Variants in OPCML observed in about 807,000 individuals in gnomAD.
The protein encoded by OPCML is opioid-binding protein/cell adhesion molecule.
OPCML carries 13 observed loss-of-function variants against 37.8 expected under a neutral mutation model. The ratio of observed to expected loss-of-function variants is 0.34; its 90% CI spans 0.22 to 0.55. The LOEUF (loss-of-function observed/expected upper bound fraction) is 0.55. Among genes scored for constraint, OPCML ranks in the 20% least tolerant of loss-of-function variants. The pLI is 0.91. For synonymous variants in OPCML, 176 were observed against 168.8 expected (o/e 1.04, Z -0.33); for missense variants, 341 against 435.6 (o/e 0.78, Z 1.93).
intron 1 of OPCML, among the ~76,000 whole-genome samples, chr11:133,166,696 TCTC>T (rs1308443387): frequency 6.6e-6 from 1 of 152,138 alleles, no homozygotes; most frequent in African/African-American, 2.4e-5. Context: ...CAGACCTCCT[TCTC>T]CCTCCACAGG....
At chr11:132,986,560 T>C (rs963497823) in intron 1 of OPCML, among the ~76,000 whole-genome samples, 1 of 152,168 alleles carries the variant, frequency 6.6e-6, no homozygotes, top group African/African-American at 2.4e-5. Flanking sequence ...TGGACCATAA[T>C]AGGTGACCTA....
chr11:133,005,588 G>A, intron 1 of OPCML: 1 of 984,878 alleles, frequency 1.0e-6, no homozygotes, highest in Non-Finnish European at 1.2e-6. Flanking sequence ...CTTTCCTTAG[G>A]GACTACAGAT....
chr11:132,746,455 C>A (rs1945639454), intron 2 of OPCML, among the ~76,000 whole-genome samples: 1 of 152,110 alleles, frequency 6.6e-6, no homozygotes, highest in Non-Finnish European at 1.5e-5. Flanking sequence ...ACCCACTCCT[C>A]CCCCCACCTC....
chr11:133,507,792 CAA>C (rs1182171266), intron 1 of OPCML, among the ~76,000 whole-genome samples: 3 of 151,936 alleles, frequency 2.0e-5, no homozygotes, highest in African/African-American at 7.3e-5. Flanking sequence ...TACAAAATTA[CAA>C]AAGTTAGCCA....
In OPCML at chr11:132,864,477, A is replaced by G. The variant is rs1318466256; in HGVS notation, c.146+78449T>C. On this transcript the variant is annotated intron_variant, in intron 2 of 7. Coordinates refer to ENST00000524381, the MANE Select transcript of OPCML (RefSeq NM_001012393.5). ...TTCCTCATTTATAAAATAAAAGTAG[A>G]ACTATCTATGTCTCCACCTCACAGG... is the stretch of plus-strand genomic sequence containing the variant. 3.3e-5 allele frequency among the ~76,000 whole-genome samples: 5 copies of G among 152,202 alleles called. No homozygotes were observed. The East Asian group carries it at 9.7e-4, about 29-fold the overall frequency.
chr11:133,113,833 C>T (rs764999227), intron 1 of OPCML, among the ~76,000 whole-genome samples: 1 of 152,234 alleles, frequency 6.6e-6, no homozygotes, highest in Non-Finnish European at 1.5e-5. Flanking sequence ...GTTCTGACCT[C>T]TGTGCTTCAG....
At chr11:132,524,413 T>C (rs932865587) in intron 4 of OPCML, among the ~76,000 whole-genome samples, 7 of 152,148 alleles carry the variant, frequency 4.6e-5, no homozygotes, top group African/African-American at 1.7e-4. Flanking sequence ...CAGATTTCCA[T>C]ATGTGTGAAG....
chr11:133,275,753 G>A (rs1370008448), intron 1 of OPCML, among the ~76,000 whole-genome samples: 2 of 152,134 alleles, frequency 1.3e-5, no homozygotes, highest in Non-Finnish European at 2.9e-5. Context: ...AAAGGCGCCT[G>A]GCACATGGAT....
At chr11:132,830,252 C>T (rs1462461731) in intron 2 of OPCML, among the ~76,000 whole-genome samples, 1 of 152,168 alleles carries the variant, frequency 6.6e-6, no homozygotes, top group Non-Finnish European at 1.5e-5. Context: ...CTATAGAGAT[C>T]AAAGTTAAAC....
chr11:133,218,416 T>C (rs1458817191), intron 1 of OPCML, among the ~76,000 whole-genome samples: 1 of 152,214 alleles, frequency 6.6e-6, no homozygotes, highest in Non-Finnish European at 1.5e-5. Flanking sequence ...GGAAGACTTC[T>C]TTGGTTCGCT....
At chr11:132,576,765 C>A (rs2096451948) in intron 3 of OPCML, among the ~76,000 whole-genome samples, 1 of 152,068 alleles carries the variant, frequency 6.6e-6, no homozygotes, top group African/African-American at 2.4e-5. Flanking sequence ...GAGACGACTC[C>A]TACCAATCAG....
intron 2 of OPCML, among the ~76,000 whole-genome samples, chr11:132,831,667 C>T (rs1004087664): frequency 6.6e-6 from 1 of 151,826 alleles, no homozygotes; most frequent in African/African-American, 2.4e-5. Context: ...TTCACTTGAC[C>T]CTCTCTCCTG....
chr11:132,969,851 C>A (rs1173518714), intron 1 of OPCML, among the ~76,000 whole-genome samples: 1 of 152,040 alleles, frequency 6.6e-6, no homozygotes. Context: ...GCATTATTCC[C>A]TTTAGTTTTT....
chr11:132,490,914 C>A (rs1209969909), intron 4 of OPCML, among the ~76,000 whole-genome samples: 2 of 152,134 alleles, frequency 1.3e-5, no homozygotes, highest in Non-Finnish European at 2.9e-5. Context: ...TCACTTTCCC[C>A]CTACAAACTG....
chr11:132,796,376 T>A (rs991731038), intron 2 of OPCML, among the ~76,000 whole-genome samples: 1 of 152,154 alleles, frequency 6.6e-6, no homozygotes, highest in African/African-American at 2.4e-5. Flanking sequence ...TGTGTAGATA[T>A]ATGTTTTTAT....
At chr11:132,988,540 G>C (rs1432928337) in intron 1 of OPCML, among the ~76,000 whole-genome samples, 1 of 152,214 alleles carries the variant, frequency 6.6e-6, no homozygotes, top group African/African-American at 2.4e-5. Context: ...AATGGGGAGG[G>C]CTGCGCGGCC....
chr11:133,490,656 A>C (rs938172318), intron 1 of OPCML, among the ~76,000 whole-genome samples: 1 of 152,068 alleles, frequency 6.6e-6, no homozygotes, highest in South Asian at 2.1e-4. Flanking sequence ...ATGGTCTTCC[A>C]ATGACTTTCC....
chr11:133,115,317 T>C, intron 1 of OPCML, among the ~76,000 whole-genome samples: 1 of 152,210 alleles, frequency 6.6e-6, no homozygotes, highest in Non-Finnish European at 1.5e-5. Flanking sequence ...TACAGGGTGT[T>C]TGCTCAAAGC....
At position 133,173,652 on chromosome 11, in the gene OPCML, C is replaced by G. The variant is rs530968063; in HGVS notation, c.62-230642G>C. 2.0e-5 allele frequency among the ~76,000 whole-genome samples: 3 copies of G among 152,160 alleles called. No homozygotes were observed. The highest frequency in any genetic ancestry group is 4.4e-5 in the Non-Finnish European group (3 of 68,022). ...ATTAGCAGTAACGCGATGAGGCTAA[C>G]GTAAGGGTAGACACCTCCCTGCAGA... On this transcript the variant is annotated intron_variant, in intron 1 of 7. Coordinates refer to ENST00000524381, the MANE Select transcript of OPCML (RefSeq NM_001012393.5). This position sits in a 1 kb window ranked among gnomAD's most constrained non-coding sequence, Gnocchi z 7.8.
Sources: gnomAD v4.1 joint callset for allele counts (sites outside exome capture counted in the v4.1 genomes callset) on GRCh38, gnomAD v4.1.1 for gene constraint, Gnocchi (gnomAD v3.1) non-coding constraint, MANE v1.5 for transcripts, NCBI Gene and HGNC (gene_info 2026-07-23, HGNC 2026-07-21) for gene names.